The following KSR2 variants were observed in gnomAD, a reference collection of about 807,000 sequenced individuals.
The protein encoded by KSR2 is kinase suppressor of ras 2.
A neutral mutation model predicts 107.8 loss-of-function variants in KSR2; 25 were observed. The observed-to-expected ratio is 0.23, with a 90% CI of 0.17 to 0.32. The LOEUF (loss-of-function observed/expected upper bound fraction) is 0.32. KSR2 is among the 10% of genes least tolerant of loss of function. The probability of loss-of-function intolerance (pLI) is 1.00; values close to 1 mark genes in which losing one functional copy is unlikely to be tolerated. For missense variants in KSR2, 887 were observed against 1,268.9 expected (o/e 0.70, Z 4.57); for synonymous variants, 480 against 507.0 (o/e 0.95, Z 0.71).
rs905581573 is a variant in KSR2 at position 117,466,959 on chromosome 12, C to A, written c.*240G>T. On this transcript the variant is annotated 3_prime_UTR_variant, in exon 20 of 20. Transcript: ENST00000339824. Reference sequence around the variant, plus strand: ...TCCCCTGGGCCGCACTGATCAATAACGCATCACCCTGGCTGGTCCGGTTCA... The same window carrying A: ...TCCCCTGGGCCGCACTGATCAATAAAGCATCACCCTGGCTGGTCCGGTTCA... The A allele has an allele frequency of 3.6e-4, 163 of 450,740 alleles. No homozygotes were observed. Among genetic ancestry groups the A allele is most frequent in the Non-Finnish European group, 2.3e-5 (6 of 256,738 alleles). 27.9% of individuals were successfully genotyped at this position (450,740 alleles called of 1,614,324 possible). A position where few individuals can be genotyped will look rare whatever the true frequency, so the allele number is the denominator to read the frequency against.
intron 1 of KSR2, among the ~76,000 whole-genome samples, chr12:117,930,053 T>G (rs1307665922): frequency 6.6e-6 from 1 of 152,228 alleles, no homozygotes; most frequent in South Asian, 2.1e-4. Flanking sequence ...AAAAAAAATT[T>G]TTTTTTTTTG....
At chr12:117,853,117 T>C (rs1324969877) in intron 3 of KSR2, among the ~76,000 whole-genome samples, 1 of 151,954 alleles carries the variant, frequency 6.6e-6, no homozygotes, top group East Asian at 1.9e-4. Flanking sequence ...TATGCAAATG[T>C]TCCACTGCAA....
intron 10 of KSR2, among the ~76,000 whole-genome samples, chr12:117,534,435 C>G (rs1217497888): frequency 6.6e-6 from 1 of 152,174 alleles, no homozygotes; most frequent in Non-Finnish European, 1.5e-5. Flanking sequence ...CAACCTAAAT[C>G]TGTTCTCTTG....
intron 3 of KSR2, among the ~76,000 whole-genome samples, chr12:117,778,835 C>A (rs1352949005): frequency 6.6e-6 from 1 of 152,202 alleles, no homozygotes; most frequent in Non-Finnish European, 1.5e-5. Flanking sequence ...CTTTGTTGTT[C>A]TATTGCTCTG....
intron 5 of KSR2, among the ~76,000 whole-genome samples, chr12:117,605,824 G>C (rs1881199145): frequency 6.6e-6 from 1 of 152,122 alleles, no homozygotes; most frequent in South Asian, 2.1e-4. Context: ...ACCTTTGCAG[G>C]GACATGGATA....
At chr12:117,469,561 G>A (rs1220827165) in intron 19 of KSR2, 101 bp downstream of exon 19, 1 of 1,385,104 alleles carries the variant, frequency 7.2e-7, no homozygotes, top group African/African-American at 1.4e-5. Context: ...ATGGATAGGA[G>A]CTTGTTGGGG....
intron 5 of KSR2, among the ~76,000 whole-genome samples, chr12:117,594,607 T>C (rs927948612): frequency 2.6e-5 from 4 of 152,134 alleles, no homozygotes; most frequent in African/African-American, 9.7e-5. Flanking sequence ...ATACCTCTGC[T>C]GCAACAGGGC....
intron 10 of KSR2, 85 bp from the exon 11 acceptor site, chr12:117,531,792 A>C: frequency 2.1e-6 from 2 of 963,228 alleles, no homozygotes; most frequent in Non-Finnish European, 3.2e-6. Context: ...CAGCCACCAC[A>C]TGGTCATTCT....
At position 117,531,711 on chromosome 12, in the gene KSR2, G is replaced by T. The variant is rs374154174; in HGVS notation, c.1688-4C>A. 5 of 1,596,600 alleles carry T rather than the reference G, an allele frequency of 3.1e-6. No homozygotes were observed. Among genetic ancestry groups the T allele is most frequent in the Non-Finnish European group, 4.3e-6 (5 of 1,173,360 alleles). On this transcript the variant is annotated splice_polypyrimidine_tract_variant and splice_region_variant and intron_variant, in intron 10 of 19. Coordinates refer to ENST00000339824, the MANE Select transcript of KSR2 (RefSeq NM_173598.6). Reference sequence around the variant, plus strand: ...TTGTATTTGTAGTAGTGGGATGCTTGCAAAAGAAAGAAAACATCAAAGTGA... The same window carrying T: ...TTGTATTTGTAGTAGTGGGATGCTTTCAAAAGAAAGAAAACATCAAAGTGA...
At chr12:117,806,037 C>T (rs1035482515) in intron 3 of KSR2, among the ~76,000 whole-genome samples, 3 of 152,054 alleles carry the variant, frequency 2.0e-5, no homozygotes, top group Non-Finnish European at 2.9e-5. Flanking sequence ...ATGCCCAATC[C>T]CAGACCTGCT....
intron 15 of KSR2, 51 bp downstream of exon 15, chr12:117,485,544 G>A (rs1434246347): frequency 2.1e-6 from 3 of 1,451,406 alleles, no homozygotes; most frequent in East Asian, 4.5e-5. Context: ...TTCCCTGGGG[G>A]AAACTGGGTC....
chr12:117,640,397 T>C (rs2393248), intron 5 of KSR2, among the ~76,000 whole-genome samples: 25,703 of 151,944 alleles, frequency 0.17, 2,282 homozygotes, highest in Middle Eastern at 0.23. Context: ...ATTACAGGCA[T>C]GTGCCACCAC....
intron 7 of KSR2, among the ~76,000 whole-genome samples, chr12:117,570,004 CTTT>C (rs58314222): frequency 6.4e-5 from 9 of 140,094 alleles, no homozygotes; most frequent in Non-Finnish European, 9.4e-5. Flanking sequence ...TGTCTGCAGA[CTTT>C]TTTTTTTTTT....
chr12:117,590,661 A>G (rs1337177783), intron 5 of KSR2, among the ~76,000 whole-genome samples: 1 of 152,166 alleles, frequency 6.6e-6, no homozygotes, highest in Non-Finnish European at 1.5e-5. Context: ...GAGTTGGCAA[A>G]CTTGACCCTC....
At chr12:117,505,380 A>G (rs1873616422) in intron 14 of KSR2, among the ~76,000 whole-genome samples, 1 of 152,160 alleles carries the variant, frequency 6.6e-6, no homozygotes, top group Non-Finnish European at 1.5e-5. Context: ...CCCTCCCTCC[A>G]AGACCAAAAC....
At chr12:117,700,561 A>G (rs1886260523) in intron 4 of KSR2, among the ~76,000 whole-genome samples, 1 of 152,220 alleles carries the variant, frequency 6.6e-6, no homozygotes, top group Non-Finnish European at 1.5e-5. Flanking sequence ...TTTGGTTATT[A>G]TAAAAAAATA....
At chr12:117,776,875 T>C (rs1889702349) in intron 3 of KSR2, among the ~76,000 whole-genome samples, 3 of 151,966 alleles carry the variant, frequency 2.0e-5, no homozygotes. Context: ...AACTGTTTTG[T>C]TATACAATCA....
At chr12:117,876,251 G>C (rs1365261599) in intron 1 of KSR2, among the ~76,000 whole-genome samples, 1 of 152,214 alleles carries the variant, frequency 6.6e-6, no homozygotes, top group Non-Finnish European at 1.5e-5. Flanking sequence ...TATTTGACTG[G>C]AGAACGTCTC....
intron 4 of KSR2, among the ~76,000 whole-genome samples, chr12:117,683,836 AC>A (rs2136544384): frequency 6.6e-6 from 1 of 152,288 alleles, no homozygotes; most frequent in African/African-American, 2.4e-5. Flanking sequence ...GAGAGGAAAT[AC>A]CTTCGGCTTT....
Sources: allele counts gnomAD v4.1 joint callset (sites outside exome capture counted in the v4.1 genomes callset), GRCh38; gene constraint gnomAD v4.1.1; transcripts MANE v1.5; gene names NCBI Gene and HGNC (gene_info 2026-07-23, HGNC 2026-07-21).